Variants in KIFC3 observed in about 807,000 individuals in gnomAD.
KIFC3 encodes the protein kinesin family member C3.
KIFC3 carries 60 observed loss-of-function variants against 101.8 expected under a neutral mutation model. The observed-to-expected ratio is 0.59, with a 90% confidence interval of 0.48 to 0.73. The LOEUF is 0.73. Ranked by LOEUF, KIFC3 falls within the 30% of genes least tolerant of loss-of-function variation. KIFC3 has a pLI of 0.00. For missense variants in KIFC3, 966 were observed against 1,137.1 expected (o/e 0.85, Z 2.16); for synonymous variants, 476 against 482.7 (o/e 0.99, Z 0.18).
intron 1 of KIFC3, among the ~76,000 whole-genome samples, chr16:57,829,398 C>T (rs1478427374): frequency 3.3e-5 from 5 of 151,952 alleles, no homozygotes; most frequent in Admixed American, 6.6e-5. Context: ...AAACCACAGG[C>T]GTGTGCCACC....
At chr16:57,847,557 A>G (rs78156300) in intron 1 of KIFC3, among the ~76,000 whole-genome samples, 1,600 of 152,156 alleles carry the variant, frequency 0.011, 28 homozygotes, top group African/African-American at 0.037. Context: ...AAGATTAGAG[A>G]TTCCACAAAT....
At chr16:57,772,446 G>A (rs1208476830) in intron 3 of KIFC3, 158 bp from the exon 4 acceptor site, 4 of 587,792 alleles carry the variant, frequency 6.8e-6, no homozygotes, top group Non-Finnish European at 1.2e-5. Context: ...ATCACACCTG[G>A]GACTTCAGGT....
upstream of KIFC3, among the ~76,000 whole-genome samples, chr16:57,804,983 C>T (rs782277857): frequency 6.6e-6 from 1 of 151,474 alleles, no homozygotes; most frequent in Non-Finnish European, 1.5e-5. Context: ...GCGCACACCA[C>T]CACACCCAGC....
At chr16:57,847,268 A>AAGGG (rs1555482764) in intron 1 of KIFC3, among the ~76,000 whole-genome samples, 808 of 58,456 alleles carry the variant, frequency 0.014, 31 homozygotes, top group South Asian at 0.033. Flanking sequence ...GGAAGGAAGG[A>AAGGG]AGGGAAGGGA....
At chr16:57,813,753 TGCA>T in intron 1 of KIFC3, 1 of 985,388 alleles carries the variant, frequency 1.0e-6, no homozygotes, top group East Asian at 1.1e-4. Context: ...TCACAGCCTC[TGCA>T]GCACGTGCCT....
chr16:57,789,743 C>G (rs141230576), intron 3 of KIFC3, among the ~76,000 whole-genome samples: 3,036 of 152,048 alleles, frequency 0.02, 89 homozygotes, highest in African/African-American at 0.064. Context: ...GTTTTCTTTT[C>G]TTTTCTTTTT....
chr16:57,768,678 A>G (rs1383613447), intron 9 of KIFC3, among the ~76,000 whole-genome samples: 1 of 152,200 alleles, frequency 6.6e-6, no homozygotes, highest in African/African-American at 2.4e-5. Flanking sequence ...ACGTCCATGT[A>G]TTACTGATAT....
rs892765207 is a variant in KIFC3 at position 57,829,388 on chromosome 16, A to C, written c.109-31106T>G. On this transcript the variant is annotated intron_variant, in intron 1 of 2. Transcript: ENST00000563028. ...CCCACCTCAGTTCCCTGAGTAGCTG[A>C]AACCACAGGCGTGTGCCACCATATC... Among the ~76,000 whole-genome samples, 163 of 152,130 alleles carry C rather than the reference A, an allele frequency of 1.1e-3. 1 individual carries two copies. Among genetic ancestry groups the C allele is most frequent in the Non-Finnish European group, 3.2e-4 (22 of 68,002 alleles).
intron 11 of KIFC3, 93 bp downstream of exon 11, chr16:57,765,366 T>G: frequency 1.5e-6 from 2 of 1,290,468 alleles, no homozygotes; most frequent in Non-Finnish European, 2.1e-6. Flanking sequence ...CCCCCACTCT[T>G]AACGCTTCTT....
intron 7 of KIFC3, 54 bp downstream of exon 7, chr16:57,770,473 A>C: frequency 1.5e-6 from 2 of 1,351,340 alleles, no homozygotes; most frequent in Non-Finnish European, 1.9e-6. Context: ...CATTGGCCCA[A>C]GGGCCTGCCT....
At chr16:57,812,103 G>A (rs1471995438) in intron 1 of KIFC3, among the ~76,000 whole-genome samples, 2 of 148,540 alleles carry the variant, frequency 1.3e-5, no homozygotes, top group South Asian at 2.1e-4. Context: ...GTGCAGTGGC[G>A]CGATCTCGGC....
chr16:57,793,201 G>T (rs1555621032), intron 3 of KIFC3, among the ~76,000 whole-genome samples: 2 of 151,318 alleles, frequency 1.3e-5, no homozygotes, highest in Non-Finnish European at 2.9e-5. Context: ...CATGAGAATC[G>T]CTTGAACCTG....
At chr16:57,772,400 G>A (rs2051372793) in intron 3 of KIFC3, 112 bp from the exon 4 acceptor site, 1 of 875,820 alleles carries the variant, frequency 1.1e-6, no homozygotes. Context: ...TTCTTCTAAG[G>A]CTGTGGCCTT....
At chr16:57,838,652 A>G (rs1451582908) in intron 1 of KIFC3, among the ~76,000 whole-genome samples, 1 of 152,234 alleles carries the variant, frequency 6.6e-6, no homozygotes, top group Non-Finnish European at 1.5e-5. Flanking sequence ...ACGAGCTGAA[A>G]TTGATGGTGT....
At chr16:57,794,872 C>G in intron 3 of KIFC3, 127 bp downstream of exon 3, 1 of 806,932 alleles carries the variant, frequency 1.2e-6, no homozygotes, top group Non-Finnish European at 1.8e-6. Context: ...AGGGGCCCAA[C>G]AGAGAGGTGC....
At chr16:57,800,517 G>A (rs1233564516) in intron 1 of KIFC3, among the ~76,000 whole-genome samples, 1 of 152,246 alleles carries the variant, frequency 6.6e-6, no homozygotes, top group African/African-American at 2.4e-5. Flanking sequence ...TCCATCTGCA[G>A]TCTCGGCTGC....
Position 57,795,057 on chromosome 16 carries a change from G to C in KIFC3, c.257C>G (p.Ala86Gly), listed in dbSNP as rs782116566. 6.2e-7 allele frequency: 1 copy of C among 1,604,582 alleles called. No individual in the cohort carries two copies. The highest frequency in any genetic ancestry group is 8.5e-7 in the Non-Finnish European group (1 of 1,176,454). ...GGGGCCAGCCCAGTCCACGCTAAGG[G>C]CTCGGCACTGAGCTAGGGCTGGGCG... ...AARPALAQCR[A>G]LSVDWAGPGS... is the part of the protein sequence containing the mutation. The change falls in exon 3 of 20, where the codon GCC becomes GGC. Residue 86 changes from alanine (A) to glycine (G), a missense_variant. This residue lies in a region of KIFC3 where 277 missense variants were observed against 252.5 expected (regional missense o/e 1.10). Transcript: ENST00000445690.
At chr16:57,767,458 CACAT>C (rs2050618455) in intron 9 of KIFC3, among the ~76,000 whole-genome samples, 1 of 152,216 alleles carries the variant, frequency 6.6e-6, no homozygotes, top group Non-Finnish European at 1.5e-5. Context: ...TGCAAAATCA[CACAT>C]ACAGTATCAC....
intron 3 of KIFC3, among the ~76,000 whole-genome samples, chr16:57,793,673 A>G (rs1275016182): frequency 6.6e-6 from 1 of 151,660 alleles, no homozygotes; most frequent in Non-Finnish European, 1.5e-5. Context: ...TACTAAAAAT[A>G]TAAAAATTAG....
Sources: allele counts gnomAD v4.1 joint callset (sites outside exome capture counted in the v4.1 genomes callset), GRCh38; gene constraint gnomAD v4.1.1; regional missense constraint gnomAD v4.1.1; transcripts MANE v1.5; gene names NCBI Gene and HGNC (gene_info 2026-07-23, HGNC 2026-07-21).